PRICKLE2: variants seen among roughly 807,000 people sequenced by gnomAD.
The protein encoded by PRICKLE2 is prickle planar cell polarity protein 2.
In PRICKLE2, 21 loss-of-function variants were observed where a neutral mutation model predicts 81.4. That is an observed-to-expected ratio of 0.26 (90% CI 0.18 to 0.37). The LOEUF (loss-of-function observed/expected upper bound fraction) is 0.37. Among genes scored for constraint, PRICKLE2 ranks in the 10% least tolerant of loss-of-function variants. The pLI is 1.00. For synonymous variants in PRICKLE2, 456 were observed against 421.5 expected, an observed-to-expected ratio of 1.08 and a Z score of -1.00; for missense variants, 940 against 1,109.0, an observed-to-expected ratio of 0.85 and a Z score of 2.16.
At chr3:64,260,866 T>C (rs1305766645) in intron 2 of PRICKLE2, among the ~76,000 whole-genome samples, 1 of 152,224 alleles carries the variant, frequency 6.6e-6, no homozygotes, top group Non-Finnish European at 1.5e-5. Context: ...TATATATGTT[T>C]ACTGCTTTCT....
rs552654934 is a variant in PRICKLE2, at chr3:64,188,812, T to C, written c.144+9972A>G. Among the ~76,000 whole-genome samples the C allele has an allele frequency of 3.3e-5, 5 of 152,324 alleles. No homozygotes were observed. The South Asian group carries it at 8.3e-4, about 25-fold the overall frequency. ...CTGCTTTCACATTACAACATCAGAG[T>C]TGGGTATTTGCCACTGAGACTGTAC... On this transcript the variant is annotated intron_variant, in intron 2 of 7. Transcript: ENST00000638394.
chr3:64,142,538 TG>T (rs1350143877), intron 7 of PRICKLE2, among the ~76,000 whole-genome samples: 1 of 152,158 alleles, frequency 6.6e-6, no homozygotes, highest in Non-Finnish European at 1.5e-5. Context: ...CTTGAACTTC[TG>T]GCCTCAAGTG....
At chr3:64,167,208 T>A (rs1240608389) in intron 2 of PRICKLE2, among the ~76,000 whole-genome samples, 2 of 152,206 alleles carry the variant, frequency 1.3e-5, no homozygotes, top group Non-Finnish European at 2.9e-5. Flanking sequence ...TTGGAGTAAA[T>A]AAGCAAATCC....
chr3:64,148,710 A>G (rs1204411878), intron 6 of PRICKLE2, among the ~76,000 whole-genome samples: 2 of 152,186 alleles, frequency 1.3e-5, no homozygotes, highest in East Asian at 3.9e-4. Flanking sequence ...TGCCCTTATA[A>G]CAGAGGCCCA....
chr3:64,201,451 A>C (rs2078577619), intron 1 of PRICKLE2, among the ~76,000 whole-genome samples: 1 of 152,200 alleles, frequency 6.6e-6, no homozygotes, highest in Non-Finnish European at 1.5e-5. Context: ...TGGGTATAAA[A>C]CAGTATTTAA....
chr3:64,131,954 C>T (rs2077203314), intron 7 of PRICKLE2, among the ~76,000 whole-genome samples: 1 of 152,212 alleles, frequency 6.6e-6, no homozygotes, highest in Non-Finnish European at 1.5e-5. Flanking sequence ...GAGTGCTTTA[C>T]CACTCCAAAT....
At chr3:64,106,565 G>A (rs1335202524) in intron 7 of PRICKLE2, among the ~76,000 whole-genome samples, 1 of 152,168 alleles carries the variant, frequency 6.6e-6, no homozygotes, top group Non-Finnish European at 1.5e-5. Flanking sequence ...TAAATTATCT[G>A]TGCCTCCAAA....
intron 7 of PRICKLE2, among the ~76,000 whole-genome samples, chr3:64,125,682 G>A (rs830004): frequency 0.53 from 80,533 of 152,050 alleles, 21,987 homozygotes; most frequent in South Asian, 0.64. Flanking sequence ...GAATAGTATC[G>A]CACACTTAAT....
intron 1 of PRICKLE2, among the ~76,000 whole-genome samples, chr3:64,210,313 G>A (rs1162768668): frequency 6.6e-6 from 1 of 151,718 alleles, no homozygotes; most frequent in Non-Finnish European, 1.5e-5. Context: ...CCCCTTTTTT[G>A]GCAAACACTC....
At position 64,198,942 on chromosome 3, in the gene PRICKLE2, G is replaced by C. The variant is rs780543148; in HGVS notation, c.-15C>G. ...ACTGTCACCATGTGCTCCTCCTGGGGACACTTGCAGTGCAGGCAGATCTTC... is the reference window on the plus strand; with the variant it reads ...ACTGTCACCATGTGCTCCTCCTGGGCACACTTGCAGTGCAGGCAGATCTTC... On this transcript the variant is annotated 5_prime_UTR_variant, in exon 2 of 8. Coordinates refer to ENST00000638394, the MANE Select transcript of PRICKLE2 (RefSeq NM_198859.4). 2 of 1,614,028 alleles carry C rather than the reference G, an allele frequency of 1.2e-6. No homozygotes were observed. The highest frequency in any genetic ancestry group is 1.7e-6 in the Non-Finnish European group (2 of 1,180,030).
chr3:64,242,908 C>T (rs222337), intron 2 of PRICKLE2, among the ~76,000 whole-genome samples: 134,670 of 152,280 alleles, frequency 0.88, 59,947 homozygotes, highest in African/African-American at 0.94. Context: ...TAACTATTTA[C>T]TGAGCACTTA....
At chr3:64,223,653 A>G (rs1253844312) in intron 1 of PRICKLE2, among the ~76,000 whole-genome samples, 1 of 152,212 alleles carries the variant, frequency 6.6e-6, no homozygotes, top group Non-Finnish European at 1.5e-5. Flanking sequence ...CCCAAGGGGA[A>G]GGAGCATTTG....
chr3:64,134,306 G>A (rs2077243773), intron 7 of PRICKLE2, among the ~76,000 whole-genome samples: 1 of 152,186 alleles, frequency 6.6e-6, no homozygotes, highest in Admixed American at 6.5e-5. Flanking sequence ...AGCTCTCTCA[G>A]CTGCAGACGG....
At chr3:64,131,431 C>G (rs561918822) in intron 7 of PRICKLE2, among the ~76,000 whole-genome samples, 1 of 152,290 alleles carries the variant, frequency 6.6e-6, no homozygotes, top group African/African-American at 2.4e-5. Flanking sequence ...GCCCTGATAA[C>G]AATCTGCCAT....
intron 1 of PRICKLE2, among the ~76,000 whole-genome samples, chr3:64,218,182 T>C (rs140277974): frequency 2.6e-5 from 4 of 152,304 alleles, no homozygotes; most frequent in African/African-American, 9.6e-5. Context: ...CATGTACCAC[T>C]TCCTCCCCAC....
intron 7 of PRICKLE2, among the ~76,000 whole-genome samples, chr3:64,112,028 A>C (rs2076855873): frequency 6.6e-6 from 1 of 152,164 alleles, no homozygotes; most frequent in Non-Finnish European, 1.5e-5. Flanking sequence ...CCTCAACGGC[A>C]CGTCTCATAC....
intron 2 of PRICKLE2, among the ~76,000 whole-genome samples, chr3:64,165,630 T>C (rs1394971198): frequency 1.3e-5 from 2 of 152,078 alleles, no homozygotes; most frequent in Non-Finnish European, 2.9e-5. Flanking sequence ...TCTTCCCACC[T>C]CAGAGTAGCA....
intron 7 of PRICKLE2, among the ~76,000 whole-genome samples, chr3:64,137,009 T>C (rs978088314): frequency 7.2e-5 from 11 of 152,186 alleles, no homozygotes; most frequent in Non-Finnish European, 1.5e-4. Context: ...CCACAAACTA[T>C]TCACTATGTT....
Position 64,147,890 on chromosome 3 carries a change from A to G in PRICKLE2, c.788-188T>C, listed in dbSNP as rs1189278828. On this transcript the variant is annotated intron_variant, in intron 6 of 7. Coordinates refer to ENST00000638394, the MANE Select transcript of PRICKLE2 (RefSeq NM_198859.4). The surrounding 1 kb of genome is among the most constrained non-coding windows in gnomAD (Gnocchi z 5.0). Reference sequence around the variant, plus strand: ...TATTACGAGAAGTCCTTGTTGTACCAGTATGCGCCTTAACTCATTTGCTCC... The same window carrying G: ...TATTACGAGAAGTCCTTGTTGTACCGGTATGCGCCTTAACTCATTTGCTCC... Among the ~76,000 whole-genome samples, 1 of 152,224 alleles carries G rather than the reference A, an allele frequency of 6.6e-6. No individual in the cohort carries two copies. Among genetic ancestry groups the G allele is most frequent in the Non-Finnish European group, 1.5e-5 (1 of 68,034 alleles).
Sources: gnomAD v4.1 joint callset for allele counts (sites outside exome capture counted in the v4.1 genomes callset) on GRCh38, gnomAD v4.1.1 for gene constraint, Gnocchi (gnomAD v3.1) non-coding constraint, MANE v1.5 for transcripts, NCBI Gene and HGNC (gene_info 2026-07-23, HGNC 2026-07-21) for gene names.